LRRC9: variants seen among roughly 807,000 people sequenced by gnomAD.
The protein encoded by LRRC9 is leucine rich repeat containing 9.
Under a neutral mutation model 63.2 loss-of-function variants are expected in LRRC9, and 122 were observed. The ratio of observed to expected loss-of-function variants is 1.93; its 90% CI spans 1.67 to 2.24. The LOEUF (loss-of-function observed/expected upper bound fraction) is 2.24, where lower values mean the gene tolerates loss of function less well. LRRC9 is among the 30% of genes most tolerant of loss of function. LRRC9 has a pLI of 0.00. For missense variants in LRRC9, 1,071 were observed against 627.7 expected (o/e 1.71, Z -7.55); for synonymous variants, 366 against 213.1 (o/e 1.72, Z -6.25).
At chr14:59,947,699 G>A (rs1166462840) in intron 8 of LRRC9, among the ~76,000 whole-genome samples, 1 of 136,658 alleles carries the variant, frequency 7.3e-6, no homozygotes, top group Non-Finnish European at 1.6e-5. Flanking sequence ...GTGTAAGGAA[G>A]GGATCCAGTT....
exon 19 of LRRC9, chr14:59,999,226 G>A (rs1317769496): frequency 1.4e-6 from 1 of 697,740 alleles, no homozygotes. Flanking sequence ...GGATTACTCA[G>A]GTTGGATTTT....
intron 17 of LRRC9, among the ~76,000 whole-genome samples, chr14:59,985,749 C>A (rs558877290): frequency 2.0e-4 from 30 of 152,216 alleles, no homozygotes; most frequent in African/African-American, 7.2e-4. Context: ...CAAGATTATA[C>A]AGCCTAAATC....
chr14:60,002,046 G>A (rs1172965752), exon 20 of LRRC9: 11 of 702,076 alleles, frequency 1.6e-5, no homozygotes, highest in Admixed American at 4.0e-5. Context: ...AAATTCTGAC[G>A]CAGGTTTCAA....
exon 31 of LRRC9, chr14:60,057,921 G>A (rs1894402537): frequency 1.4e-6 from 1 of 689,822 alleles, no homozygotes; most frequent in Non-Finnish European, 2.7e-6. Flanking sequence ...AGATCATTTG[G>A]CCAAGTGAAA....
At chr14:60,063,500 T>C (rs922308546) in exon 32 of LRRC9, 5 of 616,688 alleles carry the variant, frequency 8.1e-6, no homozygotes, top group African/African-American at 1.9e-5. Flanking sequence ...TTCAGTTCCA[T>C]ATGAAGATAA....
intron 27 of LRRC9, among the ~76,000 whole-genome samples, chr14:60,025,084 T>A (rs1891431006): frequency 6.6e-6 from 1 of 151,382 alleles, no homozygotes; most frequent in Non-Finnish European, 1.5e-5. Flanking sequence ...TTTTTTATTT[T>A]TTATTTTATT....
intron 23 of LRRC9, among the ~76,000 whole-genome samples, chr14:60,015,426 T>C (rs1359155965): frequency 6.6e-6 from 1 of 152,202 alleles, no homozygotes; most frequent in Non-Finnish European, 1.5e-5. Context: ...CCCTTGGCAC[T>C]ATACCAGTGA....
intron 23 of LRRC9, among the ~76,000 whole-genome samples, chr14:60,014,134 G>C (rs1890487517): frequency 6.6e-6 from 1 of 151,740 alleles, no homozygotes; most frequent in Admixed American, 6.6e-5. Context: ...ACTTACTATA[G>C]TCTGTTAGTG....
chr14:60,016,523 T>C (rs1890699372), intron 23 of LRRC9, 137 bp from the exon 24 acceptor site: 4 of 512,710 alleles, frequency 7.8e-6, no homozygotes, highest in Non-Finnish European at 1.4e-5. Context: ...GTTTCATATA[T>C]AATGCACAGG....
Position 60,032,016 on chromosome 14 carries a change from CTT to C in LRRC9, c.3944_3945del (p.Leu1315ArgfsTer18), listed in dbSNP as rs1396820195. 1 of 700,566 alleles carries C rather than the reference CTT, an allele frequency of 1.4e-6. No individual in the cohort carries two copies. The highest frequency in any genetic ancestry group is 1.8e-5 in the African/African-American group (1 of 57,128). The allele number at this position is 700,566 out of a possible 1,614,324, so 43.4% of individuals were successfully genotyped here. ...ATAGGATATCACAGAACTGGAAAAACTTGACGTTATCTCTACTCTCAGGGAGC... is the reference window on the plus strand; with the variant it reads ...ATAGGATATCACAGAACTGGAAAAACGACGTTATCTCTACTCTCAGGGAGC... On this transcript the variant is annotated frameshift_variant, in exon 29 of 32. Transcript: ENST00000445360. LOFTEE classifies it high-confidence loss of function.
At chr14:59,967,037 TA>T (rs1436087047) in intron 11 of LRRC9, 58 bp from the exon 12 acceptor site, 1 of 574,124 alleles carries the variant, frequency 1.7e-6, no homozygotes, top group Admixed American at 2.4e-5. Context: ...TTATCTTATC[TA>T]TGGCTAAGCT....
intron 18 of LRRC9, among the ~76,000 whole-genome samples, chr14:59,998,848 C>G (rs930521668): frequency 1.3e-5 from 2 of 151,994 alleles, no homozygotes; most frequent in Non-Finnish European, 2.9e-5. Context: ...TAACACTTTT[C>G]ACCGCAGTCA....
At position 60,060,479 on chromosome 14, in the gene LRRC9, G is replaced by A. The variant is rs1015856792; in HGVS notation, c.4276+2457G>A. 1.3e-4 allele frequency among the ~76,000 whole-genome samples: 20 copies of A among 152,128 alleles called. No individual in the cohort carries two copies. Among genetic ancestry groups the A allele is most frequent in the Non-Finnish European group, 7.3e-5 (5 of 68,028 alleles). ...TTCCTAACCGGGCGCGATGGCTCAC[G>A]CTTGTAATCCCAGCACTTTGGGAGG... On this transcript the variant is annotated intron_variant, in intron 31 of 31. Coordinates refer to ENST00000445360, the Ensembl canonical transcript of LRRC9. This position sits in a 1 kb window ranked among gnomAD's most constrained non-coding sequence, Gnocchi z 4.0.
intron 1 of LRRC9, among the ~76,000 whole-genome samples, chr14:59,921,717 ATTTTTTTTTT>A (rs57938700): frequency 8.3e-6 from 1 of 121,184 alleles, no homozygotes; most frequent in Non-Finnish European, 1.7e-5. Flanking sequence ...GGGCAGTTGG[ATTTTTTTTTT>A]TTTTTTTTTT....
At position 59,932,010 on chromosome 14, in the gene LRRC9, CT is replaced by C; in HGVS notation, c.517del (p.Ser173LeufsTer14). Reference sequence around the variant, plus strand: ...CAATGAACAACTGGAAAGATTAAACCTTTCTGGTAACCAAATATGTTCTTTC... The same window carrying C: ...CAATGAACAACTGGAAAGATTAAACCTTCTGGTAACCAAATATGTTCTTTC... On this transcript the variant is annotated frameshift_variant, in exon 6 of 32. Transcript: ENST00000445360. LOFTEE classifies it high-confidence loss of function. This position sits in a 1 kb window ranked among gnomAD's most constrained non-coding sequence, Gnocchi z 4.7. The C allele has an allele frequency of 1.4e-6, 1 of 699,928 alleles. No individual in the cohort carries two copies. Among genetic ancestry groups the C allele is most frequent in the Non-Finnish European group, 2.6e-6 (1 of 383,464 alleles). The allele number at this position is 699,928 out of a possible 1,614,324, so 43.4% of individuals were successfully genotyped here.
At chr14:60,045,190 G>A (rs1893311006) in intron 29 of LRRC9, among the ~76,000 whole-genome samples, 1 of 151,712 alleles carries the variant, frequency 6.6e-6, no homozygotes, top group Non-Finnish European at 1.5e-5. Flanking sequence ...TTCAGTCCAT[G>A]TGTATCTTTA....
chr14:59,980,819 A>T (rs2140096614), intron 15 of LRRC9, among the ~76,000 whole-genome samples: 1 of 152,330 alleles, frequency 6.6e-6, no homozygotes, highest in East Asian at 1.9e-4. Context: ...AAGTTCATTT[A>T]ACTCACATAA....
intron 17 of LRRC9, among the ~76,000 whole-genome samples, chr14:59,993,578 C>T (rs916838863): frequency 5.3e-5 from 8 of 152,116 alleles, no homozygotes; most frequent in Non-Finnish European, 8.8e-5. Context: ...ATCTCACGTG[C>T]AGAGACACAC....
chr14:60,006,299 C>G (rs1386764283), intron 21 of LRRC9, 98 bp from the exon 22 acceptor site: 2 of 593,294 alleles, frequency 3.4e-6, no homozygotes, highest in Non-Finnish European at 5.9e-6. Flanking sequence ...CCATTTGAAC[C>G]TAGCTATCTA....
Sources: allele counts gnomAD v4.1 joint callset (sites outside exome capture counted in the v4.1 genomes callset), GRCh38; gene constraint gnomAD v4.1.1; non-coding constraint Gnocchi (gnomAD v3.1); transcripts MANE v1.5; gene names NCBI Gene and HGNC (gene_info 2026-07-23, HGNC 2026-07-21).